The following SDK1 variants were observed in gnomAD, a reference collection of about 807,000 sequenced individuals.
SDK1 encodes the protein protein sidekick-1.
A neutral mutation model predicts 245.5 loss-of-function variants in SDK1; 157 were observed. The observed-to-expected ratio is 0.64, with a 90% CI of 0.56 to 0.73. SDK1 has a LOEUF of 0.73. SDK1 is among the 30% of genes least tolerant of loss of function. SDK1 has a pLI of 0.00. For synonymous variants in SDK1, 1,647 were observed against 1,278.5 expected, an observed-to-expected ratio of 1.29 and a Z score of -6.15; for missense variants, 3,583 against 3,002.3, an observed-to-expected ratio of 1.19 and a Z score of -4.52.
intron 14 of SDK1, among the ~76,000 whole-genome samples, chr7:4,003,019 G>A (rs1010430110): frequency 1.3e-5 from 2 of 152,288 alleles, no homozygotes; most frequent in African/African-American, 4.8e-5. Flanking sequence ...TGGGCATCAG[G>A]CCCCCCAACA....
chr7:3,345,920 G>A (rs1780480152), intron 1 of SDK1, among the ~76,000 whole-genome samples: 1 of 152,202 alleles, frequency 6.6e-6, no homozygotes, highest in Non-Finnish European at 1.5e-5. Context: ...TGGAATTGCA[G>A]TGTCATCACC....
At chr7:3,943,941 G>A (rs535314964) in intron 5 of SDK1, among the ~76,000 whole-genome samples, 8 of 152,204 alleles carry the variant, frequency 5.3e-5, no homozygotes, top group South Asian at 4.2e-4. Flanking sequence ...GCTACCTGGC[G>A]CCCGTTGGTT....
intron 21 of SDK1, among the ~76,000 whole-genome samples, chr7:4,078,009 C>G (rs182786849): frequency 6.6e-6 from 1 of 152,258 alleles, no homozygotes; most frequent in African/African-American, 2.4e-5. Flanking sequence ...CATTGTTTAT[C>G]CAGGGCAGGG....
chr7:3,433,858 T>C (rs1188599192), intron 1 of SDK1, among the ~76,000 whole-genome samples: 1 of 152,214 alleles, frequency 6.6e-6, no homozygotes. Flanking sequence ...CGTGGTTGAC[T>C]TCAGAAATAT....
chr7:3,608,449 A>T (rs1781489998), intron 1 of SDK1, among the ~76,000 whole-genome samples: 1 of 152,330 alleles, frequency 6.6e-6, no homozygotes, highest in South Asian at 2.1e-4. Context: ...AATGAAGAAA[A>T]TAAGCTTGTT....
intron 5 of SDK1, among the ~76,000 whole-genome samples, chr7:3,853,569 A>AT (rs903785652): frequency 3.9e-5 from 6 of 152,108 alleles, no homozygotes; most frequent in African/African-American, 1.4e-4. Context: ...CCAGTCTCAG[A>AT]TTTTTTTGGA....
At chr7:3,617,328 C>T (rs1023912761) in intron 1 of SDK1, among the ~76,000 whole-genome samples, 1 of 152,132 alleles carries the variant, frequency 6.6e-6, no homozygotes, top group Admixed American at 6.6e-5. Flanking sequence ...TGTAGAGTAA[C>T]CTACAAACAC....
chr7:4,029,986 T>C (rs1436842871), intron 17 of SDK1, among the ~76,000 whole-genome samples: 1 of 152,222 alleles, frequency 6.6e-6, no homozygotes, highest in Non-Finnish European at 1.5e-5. Context: ...GTTATAACAC[T>C]TGGGGTTTAC....
At chr7:3,761,315 C>A (rs913783867) in intron 4 of SDK1, among the ~76,000 whole-genome samples, 1 of 121,158 alleles carries the variant, frequency 8.3e-6, no homozygotes, top group African/African-American at 3.2e-5. Flanking sequence ...TATTAGGTGG[C>A]AACTCATGTC....
At chr7:4,109,815 A>C (rs1416639500) in intron 22 of SDK1, among the ~76,000 whole-genome samples, 2 of 152,228 alleles carry the variant, frequency 1.3e-5, no homozygotes, top group African/African-American at 4.8e-5. Context: ...TAAGAGCACA[A>C]GGATGAGTGA....
At chr7:4,076,576 A>ATG in intron 20 of SDK1, among the ~76,000 whole-genome samples, 1 of 152,224 alleles carries the variant, frequency 6.6e-6, no homozygotes, top group Non-Finnish European at 1.5e-5. Flanking sequence ...ACATACATAT[A>ATG]TACATACATA....
chr7:3,723,774 G>A (rs1025365256), intron 4 of SDK1, among the ~76,000 whole-genome samples: 2 of 149,746 alleles, frequency 1.3e-5, no homozygotes, highest in Non-Finnish European at 3.0e-5. Context: ...ACATATACAC[G>A]TGTATATACA....
At chr7:3,417,131 G>A (rs1315355207) in intron 1 of SDK1, among the ~76,000 whole-genome samples, 4 of 152,134 alleles carry the variant, frequency 2.6e-5, no homozygotes, top group African/African-American at 7.2e-5. Context: ...CCGAGACTGC[G>A]CCACTGCACT....
chr7:3,418,143 ATG>A (rs547319662), intron 1 of SDK1, among the ~76,000 whole-genome samples: 7,150 of 89,766 alleles, frequency 0.08, 396 homozygotes, highest in East Asian at 0.15. Flanking sequence ...TCTACTAAAA[ATG>A]AAAAAAAAAA....
At chr7:3,660,578 G>T (rs552821616) in intron 4 of SDK1, among the ~76,000 whole-genome samples, 1 of 152,084 alleles carries the variant, frequency 6.6e-6, no homozygotes, top group Non-Finnish European at 1.5e-5. Flanking sequence ...CCGCAGCCAG[G>T]TTGAAAAAAG....
intron 30 of SDK1, among the ~76,000 whole-genome samples, chr7:4,153,635 C>G (rs1780532893): frequency 6.6e-6 from 1 of 152,074 alleles, no homozygotes; most frequent in South Asian, 2.1e-4. Flanking sequence ...GATACATGAG[C>G]TTGATATTCT....
chr7:3,829,805 A>G (rs750963393), intron 5 of SDK1, among the ~76,000 whole-genome samples: 2 of 152,208 alleles, frequency 1.3e-5, no homozygotes, highest in Non-Finnish European at 2.9e-5. Flanking sequence ...ACTCCCGATC[A>G]ACATTCATTC....
chr7:4,035,482 C>G (rs1669083350), intron 17 of SDK1, among the ~76,000 whole-genome samples: 1 of 152,102 alleles, frequency 6.6e-6, no homozygotes, highest in Non-Finnish European at 1.5e-5. Flanking sequence ...AGATTTTCAA[C>G]TGTTTTCAGC....
intron 13 of SDK1, among the ~76,000 whole-genome samples, chr7:3,978,228 G>C (rs185769144): frequency 6.6e-6 from 1 of 152,194 alleles, no homozygotes; most frequent in East Asian, 1.9e-4. Context: ...AGCGTTAGCA[G>C]TTCATAAAGA....
Sources: gnomAD v4.1 joint callset for allele counts (sites outside exome capture counted in the v4.1 genomes callset) on GRCh38, gnomAD v4.1.1 for gene constraint, MANE v1.5 for transcripts, NCBI Gene and HGNC (gene_info 2026-07-23, HGNC 2026-07-21) for gene names.